The following MTUS2 variants were observed in gnomAD, a reference collection of about 807,000 sequenced individuals.
MTUS2 encodes microtubule-associated tumor suppressor candidate 2.
A neutral mutation model predicts 114.1 loss-of-function variants in MTUS2; 40 were observed. The ratio of observed to expected loss-of-function variants is 0.35; its 90% CI spans 0.27 to 0.46. MTUS2 has a LOEUF of 0.46. Ranked by LOEUF, MTUS2 falls within the 20% of genes least tolerant of loss-of-function variation. The pLI is 1.00. For synonymous variants in MTUS2, 688 were observed against 672.0 expected, an observed-to-expected ratio of 1.02 and a Z score of -0.37; for missense variants, 1,679 against 1,705.4, an observed-to-expected ratio of 0.98 and a Z score of 0.27.
At chr13:28,929,882 C>T (rs1454997017) in intron 2 of MTUS2, among the ~76,000 whole-genome samples, 1 of 152,092 alleles carries the variant, frequency 6.6e-6, no homozygotes, top group Non-Finnish European at 1.5e-5. Context: ...ATGAGAGTTA[C>T]ACAGTCTGGC....
intron 6 of MTUS2, among the ~76,000 whole-genome samples, chr13:29,299,330 A>G (rs1289625511): frequency 6.6e-6 from 1 of 152,184 alleles, no homozygotes; most frequent in Non-Finnish European, 1.5e-5. Context: ...TCCCGGGACT[A>G]AGGATCGGTG....
chr13:29,290,588 C>T (rs113496005), intron 6 of MTUS2, among the ~76,000 whole-genome samples: 157 of 152,288 alleles, frequency 1.0e-3, no homozygotes, highest in African/African-American at 3.6e-3. Flanking sequence ...CCTCGGCCTC[C>T]CAAAGTGCTG....
chr13:28,851,333 A>G (rs1170159623), intron 2 of MTUS2, among the ~76,000 whole-genome samples: 1 of 152,232 alleles, frequency 6.6e-6, no homozygotes, highest in Non-Finnish European at 1.5e-5. Context: ...ACATTTGTCC[A>G]TTGACCGTGA....
chr13:29,291,659 T>C, intron 6 of MTUS2, among the ~76,000 whole-genome samples: 1 of 152,194 alleles, frequency 6.6e-6, no homozygotes, highest in East Asian at 1.9e-4. Context: ...GTTGAGGTCG[T>C]AGGGCTCGCT....
chr13:28,834,649 G>T (rs1874942321), intron 1 of MTUS2, among the ~76,000 whole-genome samples: 1 of 152,112 alleles, frequency 6.6e-6, no homozygotes, highest in Non-Finnish European at 1.5e-5. Context: ...GTAACAAAAA[G>T]CAGGAGTGAC....
rs182589322 is a variant in MTUS2 at position 28,885,375 on chromosome 13, A to T, written c.-243+45525A>T. Among the ~76,000 whole-genome samples, 122 of 152,324 alleles carry T rather than the reference A, an allele frequency of 8.0e-4. 1 individual carries two copies. The highest frequency in any genetic ancestry group is 2.9e-3 in the African/African-American group (122 of 41,566). The stretch of plus-strand genomic sequence containing the variant: ...GAAAAGAAGCTGACACTGATTGTCA[A>T]CATTTATGGAAACCTGTTCTGCAAC... On this transcript the variant is annotated intron_variant, in intron 2 of 15. Coordinates refer to ENST00000612955, the MANE Select transcript of MTUS2 (RefSeq NM_001033602.4).
At chr13:28,970,474 A>G (rs1883802674) in intron 2 of MTUS2, among the ~76,000 whole-genome samples, 1 of 152,218 alleles carries the variant, frequency 6.6e-6, no homozygotes. Flanking sequence ...CTCTGTCTTC[A>G]CACTGCAACA....
chr13:29,090,576 C>T (rs1167534324), intron 4 of MTUS2, among the ~76,000 whole-genome samples: 4 of 152,182 alleles, frequency 2.6e-5, no homozygotes, highest in Non-Finnish European at 1.5e-5. Flanking sequence ...AAGGCAGGGG[C>T]TCCTGGTGAA....
chr13:28,910,171 A>G, intron 2 of MTUS2, among the ~76,000 whole-genome samples: 1 of 152,022 alleles, frequency 6.6e-6, no homozygotes, highest in East Asian at 1.9e-4. Flanking sequence ...ATTTCCCTCC[A>G]TCCCACCCGT....
chr13:28,835,961 T>C (rs1200071135), intron 1 of MTUS2, among the ~76,000 whole-genome samples: 1 of 152,202 alleles, frequency 6.6e-6, no homozygotes, highest in Admixed American at 6.5e-5. Context: ...ATGCTCTGGC[T>C]CTATGTCATT....
chr13:29,071,194 G>A (rs1302404752), intron 4 of MTUS2, among the ~76,000 whole-genome samples: 3 of 150,832 alleles, frequency 2.0e-5, no homozygotes, highest in Non-Finnish European at 2.9e-5. Context: ...TAGAGATGGG[G>A]TTTCACCATG....
chr13:29,383,725 T>C (rs913557892), intron 8 of MTUS2, among the ~76,000 whole-genome samples: 2 of 149,362 alleles, frequency 1.3e-5, no homozygotes, highest in Admixed American at 6.9e-5. Flanking sequence ...AAGGAATCTC[T>C]CTCTGCCAAG....
At position 28,839,783 on chromosome 13, in the gene MTUS2, C is replaced by A. The variant is rs1197953119; in HGVS notation, c.-310C>A. 1 of 152,000 alleles carries A rather than the reference C, an allele frequency of 6.6e-6. No homozygotes were observed. Among genetic ancestry groups the A allele is most frequent in the Non-Finnish European group, 1.5e-5 (1 of 68,014 alleles). 9.4% of individuals were successfully genotyped at this position (152,000 alleles called of 1,614,324 possible). A position where few individuals can be genotyped will look rare whatever the true frequency, so the allele number is the denominator to read the frequency against. ...TGTATCTTTTTCTTTTTAAGGTTTC[C>A]ACAGCTGGATTGTTTACTAGGGCCA... On this transcript the variant is annotated 5_prime_UTR_variant, in exon 2 of 16. Coordinates refer to ENST00000612955, the MANE Select transcript of MTUS2 (RefSeq NM_001033602.4).
At chr13:28,960,825 A>G (rs557811241) in intron 2 of MTUS2, among the ~76,000 whole-genome samples, 6 of 152,120 alleles carry the variant, frequency 3.9e-5, no homozygotes, top group Admixed American at 1.3e-4. Context: ...GCTGAATCAT[A>G]TACTTCAAAA....
At chr13:29,019,632 T>G (rs1225218229) in intron 2 of MTUS2, among the ~76,000 whole-genome samples, 1 of 152,200 alleles carries the variant, frequency 6.6e-6, no homozygotes, top group East Asian at 1.9e-4. Flanking sequence ...ACAACTTATA[T>G]GGTACTTTGG....
Position 29,496,672 on chromosome 13 carries a change from C to T in MTUS2, c.3580-566C>T, listed in dbSNP as rs1374780643. On this transcript the variant is annotated intron_variant, in intron 12 of 15. Transcript: ENST00000612955. This position sits in a 1 kb window ranked among gnomAD's most constrained non-coding sequence, Gnocchi z 4.3. ...AAGAGGAACCGTGCCAGGAAGGAGC[C>T]GGCAGAGTGGCCTGAGCTCAGGGGA... Among the ~76,000 whole-genome samples, 3 of 152,034 alleles carry T rather than the reference C, an allele frequency of 2.0e-5. No homozygotes were observed. The highest frequency in any genetic ancestry group is 4.4e-5 in the Non-Finnish European group (3 of 67,988).
At chr13:29,381,249 G>A (rs1593374871) in intron 8 of MTUS2, among the ~76,000 whole-genome samples, 1 of 152,188 alleles carries the variant, frequency 6.6e-6, no homozygotes, top group Admixed American at 6.5e-5. Flanking sequence ...AAGTAGACTA[G>A]ATAGAGTGAG....
chr13:28,924,225 T>A (rs1881205429), intron 2 of MTUS2, among the ~76,000 whole-genome samples: 1 of 152,224 alleles, frequency 6.6e-6, no homozygotes, highest in Admixed American at 6.5e-5. Flanking sequence ...TCCACCATTC[T>A]CTTTACACCT....
intron 7 of MTUS2, among the ~76,000 whole-genome samples, chr13:29,358,638 G>A (rs190161253): frequency 4.9e-4 from 74 of 152,276 alleles, no homozygotes; most frequent in African/African-American, 1.7e-3. Context: ...AGGGGATGGC[G>A]GCTCAGACTA....
Sources: gnomAD v4.1 joint callset for allele counts (sites outside exome capture counted in the v4.1 genomes callset) on GRCh38, gnomAD v4.1.1 for gene constraint, Gnocchi (gnomAD v3.1) non-coding constraint, MANE v1.5 for transcripts, NCBI Gene and HGNC (gene_info 2026-07-23, HGNC 2026-07-21) for gene names.